Variants in LPP observed in about 807,000 individuals in gnomAD.
LPP encodes LIM domain containing preferred translocation partner in lipoma, also known as lipoma-preferred partner.
A neutral mutation model predicts 60.4 loss-of-function variants in LPP; 38 were observed. The ratio of observed to expected loss-of-function variants is 0.63; its 90% CI spans 0.49 to 0.83. The LOEUF is 0.83. Among genes scored for constraint, LPP ranks in the 40% least tolerant of loss-of-function variants. The pLI is 0.00. For missense variants in LPP, 902 were observed against 783.6 expected (o/e 1.15, Z -1.80); for synonymous variants, 328 against 290.8 (o/e 1.13, Z -1.30).
At chr3:188,334,929 G>A (rs1430965117) in intron 2 of LPP, among the ~76,000 whole-genome samples, 1 of 152,064 alleles carries the variant, frequency 6.6e-6, no homozygotes, top group Admixed American at 6.6e-5. Context: ...TCTGTATATG[G>A]ATGTCCAGTT....
intron 7 of LPP, among the ~76,000 whole-genome samples, chr3:188,658,503 TCTC>T (rs1460037119): frequency 2.0e-5 from 3 of 152,082 alleles, no homozygotes; most frequent in African/African-American, 7.2e-5. Flanking sequence ...CCTCCGTGCT[TCTC>T]CTCTCTCCAC....
chr3:188,757,729 C>G (rs1730727829), intron 8 of LPP, among the ~76,000 whole-genome samples: 1 of 152,040 alleles, frequency 6.6e-6, no homozygotes, highest in Non-Finnish European at 1.5e-5. Flanking sequence ...TCACAGGAAT[C>G]TAATATGCTT....
intron 8 of LPP, 190 bp downstream of exon 8, chr3:188,708,583 A>G: frequency 1.4e-6 from 1 of 700,958 alleles, no homozygotes; most frequent in South Asian, 2.0e-5. Context: ...TGTGATGTCT[A>G]CTTAGCTTAT....
At chr3:188,274,768 C>T (rs925020188) in intron 2 of LPP, among the ~76,000 whole-genome samples, 38 of 152,198 alleles carry the variant, frequency 2.5e-4, no homozygotes, top group Admixed American at 5.2e-4. Context: ...TCTTGCAGGC[C>T]GCAAGAATTC....
intron 4 of LPP, among the ~76,000 whole-genome samples, chr3:188,440,487 A>G (rs1005149989): frequency 6.6e-6 from 1 of 152,198 alleles, no homozygotes; most frequent in South Asian, 2.1e-4. Flanking sequence ...AGAGACATGC[A>G]GTCTAGGATT....
At chr3:188,544,121 A>C (rs138032374) in intron 6 of LPP, among the ~76,000 whole-genome samples, 30 of 152,296 alleles carry the variant, frequency 2.0e-4, no homozygotes, top group African/African-American at 4.8e-4. Flanking sequence ...TCCATTTCTC[A>C]AGGAGTCCAA....
chr3:188,688,650 T>C, intron 7 of LPP: 1 of 398,560 alleles, frequency 2.5e-6, no homozygotes, highest in South Asian at 1.9e-5. Context: ...AGATGAGTAA[T>C]ATAATTAGGT....
intron 2 of LPP, among the ~76,000 whole-genome samples, chr3:188,333,997 A>G (rs1356664756): frequency 1.3e-5 from 2 of 152,126 alleles, no homozygotes; most frequent in Non-Finnish European, 2.9e-5. Context: ...TTTTGTATCC[A>G]TTTACCAACC....
At chr3:188,855,186 C>G (rs1763534696) in intron 9 of LPP, among the ~76,000 whole-genome samples, 1 of 152,008 alleles carries the variant, frequency 6.6e-6, no homozygotes, top group East Asian at 1.9e-4. Flanking sequence ...ACTATTTTTT[C>G]TTTAAAAGAT....
Position 188,173,323 on chromosome 3 carries a change from A to G in LPP, c.-190+19071A>G, listed in dbSNP as rs1029449881. Reference sequence around the variant, plus strand: ...CGAGGCCAGCGTGGCTAACATGGAGAAAGCCCATCTCTATTTAAAAAAATA... The same window carrying G: ...CGAGGCCAGCGTGGCTAACATGGAGGAAGCCCATCTCTATTTAAAAAAATA... On this transcript the variant is annotated intron_variant, in intron 1 of 11. Transcript: ENST00000617246. 3.3e-5 allele frequency among the ~76,000 whole-genome samples: 5 copies of G among 152,100 alleles called. No individual in the cohort carries two copies. In the South Asian group the frequency reaches 6.2e-4, roughly 19 times the overall value.
At chr3:188,866,156 C>T (rs1038826255) in intron 9 of LPP, 44 bp from the exon 10 acceptor site, 2 of 1,399,392 alleles carry the variant, frequency 1.4e-6, no homozygotes, top group Non-Finnish European at 1.9e-6. Context: ...CAGTATGGAC[C>T]CCCTTCTGTC....
At chr3:188,254,103 C>T (rs1409305652) in intron 2 of LPP, among the ~76,000 whole-genome samples, 4 of 152,126 alleles carry the variant, frequency 2.6e-5, no homozygotes, top group Non-Finnish European at 4.4e-5. Context: ...CAATAAGTGC[C>T]TCATGAATTT....
intron 11 of LPP, among the ~76,000 whole-genome samples, chr3:188,873,504 G>A (rs1291829151): frequency 6.6e-6 from 1 of 151,890 alleles, no homozygotes; most frequent in Non-Finnish European, 1.5e-5. Context: ...GCATTTAACT[G>A]TTATATAACA....
At position 188,548,977 on chromosome 3, in the gene LPP, T is replaced by C. The variant is rs558924176; in HGVS notation, c.429+24190T>C. 3.9e-5 allele frequency among the ~76,000 whole-genome samples: 6 copies of C among 152,260 alleles called. No individual in the cohort carries two copies. In the East Asian group the frequency reaches 1.2e-3, roughly 29 times the overall value. Reference sequence around the variant, plus strand: ...CACGTGGGATAACTATAGTTAGCAATAATGTGTGATGTAGTTTCAAATAAC... The same window carrying C: ...CACGTGGGATAACTATAGTTAGCAACAATGTGTGATGTAGTTTCAAATAAC... On this transcript the variant is annotated intron_variant, in intron 6 of 11. Transcript: ENST00000617246.
intron 5 of LPP, among the ~76,000 whole-genome samples, chr3:188,518,131 A>T (rs1817916722): frequency 6.6e-6 from 1 of 152,178 alleles, no homozygotes; most frequent in Admixed American, 6.5e-5. Flanking sequence ...TTCTCTTTAT[A>T]AATTACCCAG....
At chr3:188,737,945 A>C (rs1032630107) in intron 8 of LPP, among the ~76,000 whole-genome samples, 5 of 152,164 alleles carry the variant, frequency 3.3e-5, no homozygotes, top group Non-Finnish European at 5.9e-5. Flanking sequence ...TATGCCACTT[A>C]ATCAACATGC....
intron 4 of LPP, among the ~76,000 whole-genome samples, chr3:188,465,189 C>T (rs974166930): frequency 6.6e-6 from 1 of 152,102 alleles, no homozygotes; most frequent in African/African-American, 2.4e-5. Flanking sequence ...ATACTTCCCC[C>T]TTTAGTAACA....
chr3:188,781,346 G>T (rs1382583931), intron 9 of LPP, among the ~76,000 whole-genome samples: 2 of 152,162 alleles, frequency 1.3e-5, no homozygotes, highest in Admixed American at 6.5e-5. Flanking sequence ...GTCAAGGACT[G>T]GGAGTGGAGA....
intron 9 of LPP, among the ~76,000 whole-genome samples, chr3:188,837,136 C>A (rs960004805): frequency 6.6e-6 from 1 of 152,008 alleles, no homozygotes; most frequent in Non-Finnish European, 1.5e-5. Flanking sequence ...CCCAGCAGCA[C>A]CTTGGGAGGC....
Sources: allele counts gnomAD v4.1 joint callset (sites outside exome capture counted in the v4.1 genomes callset), GRCh38; gene constraint gnomAD v4.1.1; transcripts MANE v1.5; gene names NCBI Gene and HGNC (gene_info 2026-07-23, HGNC 2026-07-21).